Variants in AGPAT4 observed in about 807,000 individuals in gnomAD.
The protein encoded by AGPAT4 is 1-acylglycerol-3-phosphate O-acyltransferase 4.
Under a neutral mutation model 48.0 loss-of-function variants are expected in AGPAT4, and 15 were observed. The observed-to-expected ratio is 0.31, with a 90% CI of 0.21 to 0.48. The LOEUF (loss-of-function observed/expected upper bound fraction) is 0.48, where lower values mean the gene tolerates loss of function less well. Ranked by LOEUF, AGPAT4 falls within the 20% of genes least tolerant of loss-of-function variation. The pLI is 0.99. For synonymous variants in AGPAT4, 178 were observed against 198.7 expected (o/e 0.90, Z 0.88); for missense variants, 314 against 482.5 (o/e 0.65, Z 3.27).
At position 161,216,899 on chromosome 6, in the gene AGPAT4, G is replaced by A. The variant is rs1781661838; in HGVS notation, c.178+15137C>T. Among the ~76,000 whole-genome samples, 1 of 151,900 alleles carries A rather than the reference G, an allele frequency of 6.6e-6. No homozygotes were observed. The highest frequency in any genetic ancestry group is 2.4e-5 in the African/African-American group (1 of 41,334). ...AATTCTGGGAGATACAATTCAAGTT[G>A]AGATTTCGGTGGGGACACAGCCAAA... On this transcript the variant is annotated intron_variant, in intron 2 of 8. Transcript: ENST00000320285. This position sits in a 1 kb window ranked among gnomAD's most constrained non-coding sequence, Gnocchi z 4.8.
rs1782881689 is a variant in AGPAT4, at chr6:161,254,223, A to C, written c.-90+19715T>G. On this transcript the variant is annotated intron_variant, in intron 1 of 8. Transcript: ENST00000320285. This position sits in a 1 kb window ranked among gnomAD's most constrained non-coding sequence, Gnocchi z 5.9. ...TAAGATCACATGAGTATGTTAACATATGTCACTTGATATTGAAAAAGCTCT... is the reference window on the plus strand; with the variant it reads ...TAAGATCACATGAGTATGTTAACATCTGTCACTTGATATTGAAAAAGCTCT... Among the ~76,000 whole-genome samples, 1 of 152,202 alleles carries C rather than the reference A, an allele frequency of 6.6e-6. No homozygotes were observed. Among genetic ancestry groups the C allele is most frequent in the African/African-American group, 2.4e-5 (1 of 41,446 alleles).
At position 161,140,385 on chromosome 6, in the gene AGPAT4, T is replaced by A. The variant is rs1199087385; in HGVS notation, c.844-765A>T. ...AGTGGGAACCATGTACTCATCCACA[T>A]CCACCCACAGGGTGTGTGTGTCACC... On this transcript the variant is annotated intron_variant, in intron 7 of 8. Coordinates refer to ENST00000320285, the MANE Select transcript of AGPAT4 (RefSeq NM_020133.3). This position sits in a 1 kb window ranked among gnomAD's most constrained non-coding sequence, Gnocchi z 6.5. Among the ~76,000 whole-genome samples, 2 of 152,194 alleles carry A rather than the reference T, an allele frequency of 1.3e-5. No homozygotes were observed. Among genetic ancestry groups the A allele is most frequent in the African/African-American group, 4.8e-5 (2 of 41,456 alleles).
chr6:161,268,657 A>G (rs1467146103), intron 1 of AGPAT4, among the ~76,000 whole-genome samples: 2 of 152,238 alleles, frequency 1.3e-5, no homozygotes, highest in African/African-American at 2.4e-5. Flanking sequence ...GTTATTAGGA[A>G]CAGCTTCATG....
intron 1 of AGPAT4, among the ~76,000 whole-genome samples, chr6:161,253,515 A>G (rs148258252): frequency 0.023 from 3,565 of 151,950 alleles, 347 homozygotes; most frequent in Admixed American, 0.19. Context: ...CAGCCTCCCA[A>G]AGTGCTGGGA....
In AGPAT4 at chr6:161,155,186, G is replaced by T. The variant is rs964136883; in HGVS notation, c.349-876C>A. On this transcript the variant is annotated intron_variant, in intron 3 of 8. Coordinates refer to ENST00000320285, the MANE Select transcript of AGPAT4 (RefSeq NM_020133.3). The surrounding 1 kb of genome is among the most constrained non-coding windows in gnomAD (Gnocchi z 5.8). ...GCTCGGTGTGGCCCTCCCCAGCCAGGCGTCCACTACATCAGTCCCCCTACA... is the reference window on the plus strand; with the variant it reads ...GCTCGGTGTGGCCCTCCCCAGCCAGTCGTCCACTACATCAGTCCCCCTACA... 6.6e-6 allele frequency among the ~76,000 whole-genome samples: 1 copy of T among 152,342 alleles called. No homozygotes were observed. Among genetic ancestry groups the T allele is most frequent in the South Asian group, 2.1e-4 (1 of 4,832 alleles).
In AGPAT4 at chr6:161,140,000, G is replaced by A. The variant is rs527821886; in HGVS notation, c.844-380C>T. 1.8e-4 allele frequency among the ~76,000 whole-genome samples: 27 copies of A among 152,236 alleles called. No homozygotes were observed. The highest frequency in any genetic ancestry group is 3.5e-4 in the Non-Finnish European group (24 of 68,048). ...GCAGTGCCTTCCACGATAGGTCGGC[G>A]GGAGAATGGAGTGGATGCTGCGCCG... On this transcript the variant is annotated intron_variant, in intron 7 of 8. Coordinates refer to ENST00000320285, the MANE Select transcript of AGPAT4 (RefSeq NM_020133.3). The surrounding 1 kb of genome is among the most constrained non-coding windows in gnomAD (Gnocchi z 9.1).
chr6:161,194,644 GTGTA>G (rs780419296), intron 2 of AGPAT4, among the ~76,000 whole-genome samples: 30 of 151,820 alleles, frequency 2.0e-4, no homozygotes, highest in Admixed American at 9.8e-4. Flanking sequence ...ATGTGTGTAT[GTGTA>G]TGTATGTATG....
chr6:161,203,381 C>CTTTTTTTTTTTTT (rs10585542), intron 2 of AGPAT4, among the ~76,000 whole-genome samples: 2 of 110,762 alleles, frequency 1.8e-5, no homozygotes, highest in African/African-American at 3.2e-5. Context: ...CTTTTTCTTT[C>CTTTTTTTTTTTTT]TTTTTTTTTT....
In AGPAT4 at chr6:161,136,498, C is replaced by G. The variant is rs1199828440; in HGVS notation, c.*42G>C. 2 of 1,579,358 alleles carry G rather than the reference C, an allele frequency of 1.3e-6. No individual in the cohort carries two copies. The highest frequency in any genetic ancestry group is 4.5e-5 in the East Asian group (2 of 44,698). On this transcript the variant is annotated 3_prime_UTR_variant, in exon 9 of 9. Coordinates refer to ENST00000320285, the MANE Select transcript of AGPAT4 (RefSeq NM_020133.3). ...ACTAAGGAGGATATGCAGAGGCCAC[C>G]AGTTCCCCAAGGTTCCCTTCGGATG...
Position 161,134,706 on chromosome 6 carries a change from G to A in AGPAT4, c.*1834C>T, listed in dbSNP as rs1463417002. The A allele has an allele frequency of 6.6e-6, 1 of 152,026 alleles. No homozygotes were observed. Among genetic ancestry groups the A allele is most frequent in the Non-Finnish European group, 1.5e-5 (1 of 68,036 alleles). 9.4% of individuals were successfully genotyped at this position (152,026 alleles called of 1,614,324 possible). A position where few individuals can be genotyped will look rare whatever the true frequency, so the allele number is the denominator to read the frequency against. On this transcript the variant is annotated 3_prime_UTR_variant, in exon 9 of 9. Transcript: ENST00000320285. ...AGACTGGCCCGATAATCCAGGCGCA[G>A]GTCCACTAGGGCGTGCTCACAGACA... is the stretch of plus-strand genomic sequence containing the variant.
rs963138652 is a variant in AGPAT4, at chr6:161,243,736, C to A, written c.-89-11434G>T. On this transcript the variant is annotated intron_variant, in intron 1 of 8. Transcript: ENST00000320285. This position sits in a 1 kb window ranked among gnomAD's most constrained non-coding sequence, Gnocchi z 4.8. ...CCTTCCCTTGACCCCTTCTCCCTGG[C>A]CCCCAACCATCACCAGCTTTTCTTA... 3.3e-5 allele frequency among the ~76,000 whole-genome samples: 5 copies of A among 152,166 alleles called. No individual in the cohort carries two copies. The highest frequency in any genetic ancestry group is 1.2e-4 in the African/African-American group (5 of 41,450).
At position 161,144,160 on chromosome 6, in the gene AGPAT4, A is replaced by G. The variant is rs1279055971; in HGVS notation, c.843+2364T>C. ...ACCACTCTGCTTGGAGAAACCATGCACCACTTCCACTTGCTGCTCAGCGAT... is the reference window on the plus strand; with the variant it reads ...ACCACTCTGCTTGGAGAAACCATGCGCCACTTCCACTTGCTGCTCAGCGAT... On this transcript the variant is annotated intron_variant, in intron 7 of 8. Coordinates refer to ENST00000320285, the MANE Select transcript of AGPAT4 (RefSeq NM_020133.3). The surrounding 1 kb of genome is among the most constrained non-coding windows in gnomAD (Gnocchi z 6.6). The G allele has an allele frequency of 1.9e-6, 1 of 533,238 alleles. No homozygotes were observed. The highest frequency in any genetic ancestry group is 5.5e-5 in the East Asian group (1 of 18,316). The allele number at this position is 533,238 out of a possible 1,614,324, so 33.0% of individuals were successfully genotyped here.
Position 161,154,082 on chromosome 6 carries a change from C to T in AGPAT4, c.510+67G>A, listed in dbSNP as rs545337591. The T allele has an allele frequency of 1.9e-6, 3 of 1,606,588 alleles. No individual in the cohort carries two copies. In the Admixed American group the frequency reaches 5.0e-5, roughly 27 times the overall value. On this transcript the variant is annotated intron_variant, in intron 4 of 8. Coordinates refer to ENST00000320285, the MANE Select transcript of AGPAT4 (RefSeq NM_020133.3). The surrounding 1 kb of genome is among the most constrained non-coding windows in gnomAD (Gnocchi z 7.8). ...ACAGTCACGTGTCCTGTGGAAGTCACATGGGGGTCCCACGGTCACAGTCCT... is the reference window on the plus strand; with the variant it reads ...ACAGTCACGTGTCCTGTGGAAGTCATATGGGGGTCCCACGGTCACAGTCCT...
intron 1 of AGPAT4, among the ~76,000 whole-genome samples, chr6:161,268,426 C>T (rs1382374820): frequency 6.6e-6 from 1 of 152,178 alleles, no homozygotes; most frequent in Non-Finnish European, 1.5e-5. Context: ...TGGTTTGCTG[C>T]ACCTACTGAC....
rs954104124 is a variant in AGPAT4 at position 161,142,797 on chromosome 6, C to T, written c.844-3177G>A. ...GCGCTCGCAAGCCTTGGTCTCAGCC[C>T]GCAGACACCACCCGAGTGCACGGCC... On this transcript the variant is annotated intron_variant, in intron 7 of 8. Coordinates refer to ENST00000320285, the MANE Select transcript of AGPAT4 (RefSeq NM_020133.3). The surrounding 1 kb of genome is among the most constrained non-coding windows in gnomAD (Gnocchi z 6.4). 2.6e-5 allele frequency among the ~76,000 whole-genome samples: 4 copies of T among 152,206 alleles called. No homozygotes were observed. Among genetic ancestry groups the T allele is most frequent in the African/African-American group, 7.2e-5 (3 of 41,454 alleles).
At chr6:161,252,665 C>T (rs1270748170) in intron 1 of AGPAT4, among the ~76,000 whole-genome samples, 2 of 95,152 alleles carry the variant, frequency 2.1e-5, no homozygotes, top group African/African-American at 8.2e-5. Context: ...CAAAAATAAG[C>T]TGGTCATGGT....
At chr6:161,224,810 A>T (rs1781928423) in intron 2 of AGPAT4, among the ~76,000 whole-genome samples, 1 of 152,226 alleles carries the variant, frequency 6.6e-6, no homozygotes, top group Non-Finnish European at 1.5e-5. Flanking sequence ...ATGTAAAAGT[A>T]ACATCTTTGT....
At position 161,147,349 on chromosome 6, in the gene AGPAT4, C is replaced by A. The variant is rs1253527436; in HGVS notation, c.768-750G>T. 6.6e-6 allele frequency among the ~76,000 whole-genome samples: 1 copy of A among 152,158 alleles called. No individual in the cohort carries two copies. Among genetic ancestry groups the A allele is most frequent in the Non-Finnish European group, 1.5e-5 (1 of 68,022 alleles). On this transcript the variant is annotated intron_variant, in intron 6 of 8. Transcript: ENST00000320285. This position sits in a 1 kb window ranked among gnomAD's most constrained non-coding sequence, Gnocchi z 4.8. ...GGAGAAGTCACTCTGCCACCTTTGCCCTTCCTATTTGTTCTCAGGTTGATG... is the reference window on the plus strand; with the variant it reads ...GGAGAAGTCACTCTGCCACCTTTGCACTTCCTATTTGTTCTCAGGTTGATG...
At chr6:161,181,691 C>T (rs1269743027) in intron 2 of AGPAT4, among the ~76,000 whole-genome samples, 2 of 152,190 alleles carry the variant, frequency 1.3e-5, no homozygotes, top group South Asian at 2.1e-4. Context: ...CTTTCTGTGA[C>T]ACCAAACTGG....
Sources: gnomAD v4.1 joint callset for allele counts (sites outside exome capture counted in the v4.1 genomes callset) on GRCh38, gnomAD v4.1.1 for gene constraint, Gnocchi (gnomAD v3.1) non-coding constraint, MANE v1.5 for transcripts, NCBI Gene and HGNC (gene_info 2026-07-23, HGNC 2026-07-21) for gene names.